Variants in AMD1 observed in about 807,000 individuals in gnomAD.
The protein encoded by AMD1 is S-adenosylmethionine decarboxylase proenzyme.
In AMD1, 11 loss-of-function variants were observed where a neutral mutation model predicts 40.2. That is an observed-to-expected ratio of 0.27 (90% confidence interval 0.17 to 0.45). The LOEUF is 0.45. Among genes scored for constraint, AMD1 ranks in the 20% least tolerant of loss-of-function variants. The pLI, the probability that AMD1 is intolerant of heterozygous loss-of-function variation, is 1.00. For synonymous variants in AMD1, 121 were observed against 130.8 expected (o/e 0.93, Z 0.51); for missense variants, 257 against 410.2 (o/e 0.63, Z 3.23).
the AMD1 span, among the ~76,000 whole-genome samples, chr6:110,867,279 G>T: frequency 1.3e-5 from 2 of 151,878 alleles, no homozygotes; most frequent in East Asian, 3.9e-4. Context: ...TTCCCAAATA[G>T]CTGGGACTAC....
the AMD1 span, among the ~76,000 whole-genome samples, chr6:110,838,773 C>A: frequency 6.6e-6 from 1 of 152,114 alleles, no homozygotes; most frequent in East Asian, 1.9e-4. Flanking sequence ...GCAGGAGAAT[C>A]GCTTAAACCT....
the AMD1 span, among the ~76,000 whole-genome samples, chr6:110,819,745 G>C: frequency 2.2e-4 from 34 of 152,286 alleles, no homozygotes; most frequent in African/African-American, 7.7e-4. Flanking sequence ...AGGAAGCTAG[G>C]TGTTTTTAGT....
chr6:110,815,526 G>T, the AMD1 span: 3 of 162,904 alleles, frequency 1.8e-5, no homozygotes, highest in Non-Finnish European at 4.0e-5. Flanking sequence ...GGCCTCAGCG[G>T]CCTGGGCGGT....
chr6:110,818,162 G>A, the AMD1 span, among the ~76,000 whole-genome samples: 1 of 152,120 alleles, frequency 6.6e-6, no homozygotes, highest in East Asian at 1.9e-4. Flanking sequence ...GAAAAAGCTG[G>A]GGCAAAATTA....
At chr6:110,843,242 C>A in the AMD1 span, among the ~76,000 whole-genome samples, 1 of 151,890 alleles carries the variant, frequency 6.6e-6, no homozygotes, top group African/African-American at 2.4e-5. Context: ...GCGGGCGGAT[C>A]CCCTGAGGTC....
At chr6:110,887,119 A>C (rs557399072) in intron 1 of AMD1, among the ~76,000 whole-genome samples, 1 of 151,990 alleles carries the variant, frequency 6.6e-6, no homozygotes, top group African/African-American at 2.4e-5. Flanking sequence ...TAGATTGGTA[A>C]AATTATGCTC....
chr6:110,886,407 C>T (rs920262506), intron 1 of AMD1, among the ~76,000 whole-genome samples: 2 of 152,012 alleles, frequency 1.3e-5, no homozygotes, highest in Non-Finnish European at 2.9e-5. Context: ...ACAGGCGATT[C>T]TCCTGCCTCA....
At position 110,895,464 on chromosome 6, in the gene AMD1, T is replaced by TTTTGTTTTGTTTC. The variant is rs1786252389; in HGVS notation, c.*1848_*1849insTTTGTTTTGTTTC. On this transcript the variant is annotated 3_prime_UTR_variant, in exon 9 of 9. Transcript: ENST00000368885. ...GTTTGGTTTTGTTTTTGTTTTGTTT[T>TTTTGTTTTGTTTC]GTTTTGTTTTGTTTCCAATAGAATT... The TTTTGTTTTGTTTC allele has an allele frequency of 2.0e-5, 3 of 152,580 alleles. No individual in the cohort carries two copies. The highest frequency in any genetic ancestry group is 7.2e-5 in the African/African-American group (3 of 41,444). 9.5% of individuals were successfully genotyped at this position (152,580 alleles called of 1,614,324 possible). A position where few individuals can be genotyped will look rare whatever the true frequency, so the allele number is the denominator to read the frequency against.
intron 1 of AMD1, 46 bp from the exon 2 acceptor site, chr6:110,887,459 G>T (rs756976634): frequency 7.3e-7 from 1 of 1,362,262 alleles, no homozygotes. Context: ...TTATGAGTAG[G>T]TGGGTACTAT....
At chr6:110,844,024 T>C in the AMD1 span, among the ~76,000 whole-genome samples, 3 of 152,134 alleles carry the variant, frequency 2.0e-5, no homozygotes, top group Non-Finnish European at 4.4e-5. Context: ...TAACCTAACA[T>C]TTACAGATTC....
chr6:110,827,552 G>A, the AMD1 span, among the ~76,000 whole-genome samples: 10 of 151,966 alleles, frequency 6.6e-5, no homozygotes, highest in African/African-American at 1.2e-4. Context: ...ATCACCTGGC[G>A]TCAGGAGTTT....
upstream of AMD1, among the ~76,000 whole-genome samples, chr6:110,874,398 C>T (rs1331347954): frequency 2.0e-5 from 3 of 152,178 alleles, no homozygotes; most frequent in East Asian, 5.8e-4. Flanking sequence ...CAGCGCTGGC[C>T]ACCGTCCCCG....
At chr6:110,874,387 C>A (rs902236720), upstream of AMD1, among the ~76,000 whole-genome samples, 2 of 152,202 alleles carry the variant, frequency 1.3e-5, no homozygotes, top group African/African-American at 2.4e-5. Context: ...CCACGCCAAC[C>A]CAGCGCTGGC....
At chr6:110,879,679 C>T (rs1487989190) in intron 1 of AMD1, among the ~76,000 whole-genome samples, 2 of 152,092 alleles carry the variant, frequency 1.3e-5, no homozygotes, top group African/African-American at 4.8e-5. Context: ...GATGAATGTA[C>T]TGTAATGAGA....
At chr6:110,848,453 C>T in the AMD1 span, 1 of 175,748 alleles carries the variant, frequency 5.7e-6, no homozygotes, top group South Asian at 9.1e-5. Flanking sequence ...ACCTAGGAGG[C>T]GGAGGTTGCA....
At position 110,888,917 on chromosome 6, in the gene AMD1, C is replaced by G. The variant is rs374684466; in HGVS notation, c.258C>G (p.Leu86=). ...TTTTGAAGACATGTGGTACCACCCT[C>G]TTGCTGAAAGCACTGGTTCCCCTGT... is the stretch of plus-strand genomic sequence containing the variant. ...RFILKTCGTT[L]LLKALVPLLK... Residue 86 remains leucine (L), a synonymous_variant, in exon 3 of 9, where the codon CTC becomes CTG. Transcript: ENST00000368885. 1 of 1,613,784 alleles carries G rather than the reference C, an allele frequency of 6.2e-7. No individual in the cohort carries two copies. Among genetic ancestry groups the G allele is most frequent in the Non-Finnish European group, 8.5e-7 (1 of 1,179,954 alleles).
chr6:110,840,898 G>T, the AMD1 span, among the ~76,000 whole-genome samples: 1 of 152,052 alleles, frequency 6.6e-6, no homozygotes, highest in Non-Finnish European at 1.5e-5. Flanking sequence ...TATGAACCAG[G>T]GACTGTGGGA....
At chr6:110,869,176 G>C in the AMD1 span, among the ~76,000 whole-genome samples, 3 of 151,928 alleles carry the variant, frequency 2.0e-5, no homozygotes, top group Non-Finnish European at 4.4e-5. Flanking sequence ...TGTAGCCCAG[G>C]CTGGAGTACA....
At chr6:110,837,713 GAAAAAAAAAAAAAAAA>G in the AMD1 span, among the ~76,000 whole-genome samples, 21 of 19,912 alleles carry the variant, frequency 1.1e-3, no homozygotes, top group African/African-American at 2.7e-3. Context: ...CTCCATCTCA[GAAAAAAAAAAAAAAAA>G]AAAAAAAAAA....
Sources: gnomAD v4.1 joint callset for allele counts (sites outside exome capture counted in the v4.1 genomes callset) on GRCh38, gnomAD v4.1.1 for gene constraint, MANE v1.5 for transcripts, NCBI Gene and HGNC (gene_info 2026-07-23, HGNC 2026-07-21) for gene names.